Variants in FAM107B observed in about 807,000 individuals in gnomAD.
The protein encoded by FAM107B is protein FAM107B.
In FAM107B, 21 loss-of-function variants were observed where a neutral mutation model predicts 31.5. The ratio of observed to expected loss-of-function variants is 0.67; its 90% confidence interval spans 0.47 to 0.96. The LOEUF (loss-of-function observed/expected upper bound fraction) is 0.96. Among genes scored for constraint, FAM107B ranks in the 40% least tolerant of loss-of-function variants. FAM107B has a pLI of 0.00. For missense variants in FAM107B, 452 were observed against 377.1 expected, an observed-to-expected ratio of 1.20 and a Z score of -1.64; for synonymous variants, 157 against 141.5, an observed-to-expected ratio of 1.11 and a Z score of -0.78.
At chr10:14,623,577 G>A (rs7088255) in intron 2 of FAM107B, among the ~76,000 whole-genome samples, 62,543 of 152,184 alleles carry the variant, frequency 0.41, 13,387 homozygotes, top group East Asian at 0.69. Flanking sequence ...CGTAATCCCA[G>A]CATTTTGGGA....
chr10:14,538,867 C>T (rs1212786787), intron 2 of FAM107B, among the ~76,000 whole-genome samples: 1 of 152,194 alleles, frequency 6.6e-6, no homozygotes, highest in East Asian at 1.9e-4. Context: ...GAATTAGAAT[C>T]CCTGGTTAGG....
At chr10:14,525,754 A>T (rs1846161931) in intron 3 of FAM107B, among the ~76,000 whole-genome samples, 1 of 152,220 alleles carries the variant, frequency 6.6e-6, no homozygotes. Context: ...TTATAGCTGC[A>T]CACTTCTACA....
At chr10:14,661,293 G>A (rs928255286) in intron 2 of FAM107B, among the ~76,000 whole-genome samples, 1 of 152,160 alleles carries the variant, frequency 6.6e-6, no homozygotes, top group African/African-American at 2.4e-5. Context: ...CTGCGCTAAG[G>A]GGTGCCCAGA....
chr10:14,647,769 C>T (rs943992318), intron 2 of FAM107B, among the ~76,000 whole-genome samples: 6 of 150,674 alleles, frequency 4.0e-5, no homozygotes, highest in African/African-American at 1.5e-4. Context: ...TTGCAGTCAA[C>T]AATTCTGGAC....
At chr10:14,767,020 G>A (rs1228272340) in intron 1 of FAM107B, among the ~76,000 whole-genome samples, 1 of 30,412 alleles carries the variant, frequency 3.3e-5, no homozygotes, top group African/African-American at 8.5e-5. Context: ...TCCCTGATGT[G>A]TATGTATATA....
intron 2 of FAM107B, among the ~76,000 whole-genome samples, chr10:14,660,521 C>A (rs949850098): frequency 1.5e-4 from 23 of 152,312 alleles, no homozygotes; most frequent in African/African-American, 5.5e-4. Flanking sequence ...CTCCCTCTCT[C>A]TATAAAAGTG....
chr10:14,683,676 T>C (rs548561936), intron 1 of FAM107B, among the ~76,000 whole-genome samples: 53 of 152,300 alleles, frequency 3.5e-4, no homozygotes, highest in African/African-American at 1.3e-3. Context: ...GGGTTACAGA[T>C]CATGAGTGAG....
chr10:14,536,961 A>C (rs1400678804), intron 2 of FAM107B, among the ~76,000 whole-genome samples: 3 of 152,204 alleles, frequency 2.0e-5, no homozygotes, highest in Non-Finnish European at 2.9e-5. Context: ...GTATTTTTAC[A>C]AATAAGGCAC....
intron 1 of FAM107B, among the ~76,000 whole-genome samples, chr10:14,693,475 C>CA (rs71287335): frequency 0.44 from 54,213 of 122,868 alleles, 10,318 homozygotes; most frequent in Middle Eastern, 0.53. Context: ...GACACCGTCT[C>CA]AAAAAAAAAA....
chr10:14,639,928 T>A (rs1394438384), intron 2 of FAM107B, among the ~76,000 whole-genome samples: 2 of 152,224 alleles, frequency 1.3e-5, no homozygotes, highest in Non-Finnish European at 2.9e-5. Context: ...ACTTTAACTT[T>A]AAGACTCAGC....
chr10:14,652,933 G>A (rs896841624), intron 2 of FAM107B: 1 of 152,186 alleles, frequency 6.6e-6, no homozygotes, highest in African/African-American at 2.4e-5. Context: ...CATACTGTGA[G>A]CCCACTTGCA....
intron 2 of FAM107B, among the ~76,000 whole-genome samples, chr10:14,627,509 C>T (rs1043502219): frequency 3.3e-5 from 5 of 152,344 alleles, no homozygotes; most frequent in Admixed American, 3.3e-4. Context: ...TGCAATGGCT[C>T]ACGCCTGTCA....
At chr10:14,625,778 A>C (rs1164241613) in intron 2 of FAM107B, among the ~76,000 whole-genome samples, 1 of 151,818 alleles carries the variant, frequency 6.6e-6, no homozygotes, top group Non-Finnish European at 1.5e-5. Flanking sequence ...TAACTGAATT[A>C]AATAAATATT....
intron 2 of FAM107B, among the ~76,000 whole-genome samples, chr10:14,606,101 G>A (rs1254462766): frequency 6.6e-6 from 1 of 152,106 alleles, no homozygotes; most frequent in Non-Finnish European, 1.5e-5. Flanking sequence ...CCTGCTACAT[G>A]ATCAAGTCGA....
At chr10:14,586,560 G>A (rs1851847149) in intron 2 of FAM107B, among the ~76,000 whole-genome samples, 1 of 152,138 alleles carries the variant, frequency 6.6e-6, no homozygotes, top group African/African-American at 2.4e-5. Context: ...AGAGACACCA[G>A]GCAGATGATC....
At chr10:14,743,401 G>C (rs1238517311) in intron 1 of FAM107B, among the ~76,000 whole-genome samples, 2 of 152,102 alleles carry the variant, frequency 1.3e-5, no homozygotes, top group Non-Finnish European at 2.9e-5. Flanking sequence ...AATGGCTTTT[G>C]ATGTTTTCAT....
intron 1 of FAM107B, among the ~76,000 whole-genome samples, chr10:14,738,101 G>A (rs1856352101): frequency 6.6e-6 from 1 of 152,114 alleles, no homozygotes. Flanking sequence ...ATGTACAGCA[G>A]CCAGGGAGGA....
intron 2 of FAM107B, among the ~76,000 whole-genome samples, chr10:14,585,549 A>C (rs1376639270): frequency 6.6e-6 from 1 of 152,230 alleles, no homozygotes; most frequent in Non-Finnish European, 1.5e-5. Flanking sequence ...GCAATTACAG[A>C]TGCTGCATGT....
chr10:14,732,269 G>A (rs1856192101), intron 1 of FAM107B, among the ~76,000 whole-genome samples: 1 of 152,190 alleles, frequency 6.6e-6, no homozygotes, highest in Non-Finnish European at 1.5e-5. Flanking sequence ...AAGCAAGCGT[G>A]AGGACATGAA....
Sources: allele counts gnomAD v4.1 joint callset (sites outside exome capture counted in the v4.1 genomes callset), GRCh38; gene constraint gnomAD v4.1.1; transcripts MANE v1.5; gene names NCBI Gene and HGNC (gene_info 2026-07-23, HGNC 2026-07-21).